FARP1: variants seen among roughly 807,000 people sequenced by gnomAD.
FARP1 encodes the protein FERM, ARHGEF and pleckstrin domain-containing protein 1.
A neutral mutation model predicts 128.8 loss-of-function variants in FARP1; 52 were observed. The ratio of observed to expected loss-of-function variants is 0.40; its 90% CI spans 0.32 to 0.51. FARP1 has a LOEUF of 0.51. Ranked by LOEUF, FARP1 falls within the 20% of genes least tolerant of loss-of-function variation. FARP1 has a pLI of 0.45. For synonymous variants in FARP1, 580 were observed against 551.8 expected, an observed-to-expected ratio of 1.05 and a Z score of -0.72; for missense variants, 1,333 against 1,367.9, an observed-to-expected ratio of 0.97 and a Z score of 0.40.
At chr13:98,339,557 C>T (rs1190201689) in intron 2 of FARP1, among the ~76,000 whole-genome samples, 3 of 152,076 alleles carry the variant, frequency 2.0e-5, no homozygotes, top group African/African-American at 7.2e-5. Flanking sequence ...GCATTTCAGC[C>T]CTTAGTGATG....
At chr13:98,367,967 G>T in intron 4 of FARP1, 150 bp from the exon 5 acceptor site, 2 of 616,906 alleles carry the variant, frequency 3.2e-6, no homozygotes, top group Admixed American at 5.9e-5. Context: ...AGCTGAACTT[G>T]GCCAGTTGTT....
chr13:98,212,125 G>A (rs1744425336), intron 1 of FARP1, among the ~76,000 whole-genome samples: 1 of 152,164 alleles, frequency 6.6e-6, no homozygotes, highest in South Asian at 2.1e-4. Flanking sequence ...GTGCAATGTT[G>A]GCTCACTGCA....
chr13:98,168,435 G>A (rs1877433119), intron 1 of FARP1, among the ~76,000 whole-genome samples: 1 of 152,162 alleles, frequency 6.6e-6, no homozygotes, highest in African/African-American at 2.4e-5. Flanking sequence ...AGTCTCTTCA[G>A]ATTAATCAGA....
At chr13:98,342,201 A>G (rs1888001980) in intron 2 of FARP1, among the ~76,000 whole-genome samples, 1 of 152,182 alleles carries the variant, frequency 6.6e-6, no homozygotes, top group South Asian at 2.1e-4. Flanking sequence ...GTGGACAAGG[A>G]GAGAGGCACA....
intron 1 of FARP1, among the ~76,000 whole-genome samples, chr13:98,187,884 T>C (rs1267310150): frequency 6.6e-6 from 1 of 152,262 alleles, no homozygotes; most frequent in Admixed American, 6.5e-5. Flanking sequence ...CAAAGCATGC[T>C]GTTCAGTATG....
chr13:98,236,399 T>G, intron 2 of FARP1, among the ~76,000 whole-genome samples: 1 of 152,216 alleles, frequency 6.6e-6, no homozygotes, highest in South Asian at 2.1e-4. Context: ...CTTCCTTAGC[T>G]TGCACGGAAA....
chr13:98,296,612 C>T (rs1240156965), intron 2 of FARP1, among the ~76,000 whole-genome samples: 1 of 151,914 alleles, frequency 6.6e-6, no homozygotes, highest in African/African-American at 2.4e-5. Flanking sequence ...GTCTGTTTTC[C>T]CTTCTGAAGT....
At chr13:98,283,316 A>T (rs1376329864) in intron 2 of FARP1, among the ~76,000 whole-genome samples, 1 of 152,228 alleles carries the variant, frequency 6.6e-6, no homozygotes, top group Non-Finnish European at 1.5e-5. Flanking sequence ...AAGGTCAAGA[A>T]AGACTAAAAT....
chr13:98,223,240 G>A (rs1374547620), intron 2 of FARP1, among the ~76,000 whole-genome samples: 1 of 152,236 alleles, frequency 6.6e-6, no homozygotes, highest in Non-Finnish European at 1.5e-5. Context: ...AGTCAACTCT[G>A]TGACAAATGT....
chr13:98,193,336 G>T (rs553708915), intron 1 of FARP1, among the ~76,000 whole-genome samples: 2 of 152,282 alleles, frequency 1.3e-5, no homozygotes, highest in Non-Finnish European at 2.9e-5. Flanking sequence ...GATTACAGGC[G>T]TGAGCCACTA....
intron 2 of FARP1, among the ~76,000 whole-genome samples, chr13:98,320,211 A>G (rs16955323): frequency 0.04 from 6,075 of 152,230 alleles, 207 homozygotes; most frequent in African/African-American, 0.094. Context: ...GCTCACAAGG[A>G]GAGAGAAAAT....
chr13:98,202,511 A>C (rs1353012658), intron 1 of FARP1, among the ~76,000 whole-genome samples: 1 of 152,118 alleles, frequency 6.6e-6, no homozygotes, highest in South Asian at 2.1e-4. Flanking sequence ...CTTGTATTTA[A>C]AACTGGAAGA....
chr13:98,399,005 A>G (rs1174308338), intron 13 of FARP1: 1 of 152,220 alleles, frequency 6.6e-6, no homozygotes, highest in Non-Finnish European at 1.5e-5. Flanking sequence ...CAGTTGATCA[A>G]TGGCAGTATA....
In FARP1 at chr13:98,153,512, T is replaced by C. The variant is rs1438944932; in HGVS notation, c.-24+10020T>C. Among the ~76,000 whole-genome samples the C allele has an allele frequency of 1.2e-3, 136 of 112,082 alleles. 1 individual carries two copies. The highest frequency in any genetic ancestry group is 4.2e-3 in the African/African-American group (133 of 31,950). The allele number at this position is 112,082 out of a possible 152,430, so 73.5% of individuals were successfully genotyped here. A position where few individuals can be genotyped will look rare whatever the true frequency, so the allele number is the denominator to read the frequency against. On this transcript the variant is annotated intron_variant, in intron 1 of 26. Transcript: ENST00000319562. ...TACATTATATAAAAATATGTATAAATATATATTTATATATATATTATATAT... is the reference window on the plus strand; with the variant it reads ...TACATTATATAAAAATATGTATAAACATATATTTATATATATATTATATAT...
At chr13:98,186,395 A>G (rs1878872971) in intron 1 of FARP1, among the ~76,000 whole-genome samples, 1 of 152,096 alleles carries the variant, frequency 6.6e-6, no homozygotes, top group South Asian at 2.1e-4. Flanking sequence ...GATGTGAGCC[A>G]CCGCGCCTGG....
At chr13:98,237,160 C>A (rs957184930) in intron 2 of FARP1, among the ~76,000 whole-genome samples, 2 of 151,672 alleles carry the variant, frequency 1.3e-5, no homozygotes, top group Non-Finnish European at 2.9e-5. Context: ...CAAAATTTGC[C>A]GGGCATGGTG....
At chr13:98,206,154 AT>A (rs1880248960) in intron 1 of FARP1, among the ~76,000 whole-genome samples, 1 of 149,438 alleles carries the variant, frequency 6.7e-6, no homozygotes, top group Non-Finnish European at 1.5e-5. Context: ...TTCCATACTA[AT>A]AGGAATTTTC....
At chr13:98,289,522 G>T (rs1885351749) in intron 2 of FARP1, among the ~76,000 whole-genome samples, 1 of 152,180 alleles carries the variant, frequency 6.6e-6, no homozygotes, top group Non-Finnish European at 1.5e-5. Flanking sequence ...GTTATCTTCA[G>T]CTGGGCAGCA....
At position 98,326,453 on chromosome 13, in the gene FARP1, C is replaced by CATCCTGCAATCTGA. The variant is rs1342013713; in HGVS notation, c.172-17308_172-17307insTCCTGCAATCTGAA. Among the ~76,000 whole-genome samples, 6 of 152,316 alleles carry CATCCTGCAATCTGA rather than the reference C, an allele frequency of 3.9e-5. No homozygotes were observed. The East Asian group carries it at 1.2e-3, about 29-fold the overall frequency. The stretch of plus-strand genomic sequence containing the variant: ...AATCTGAAACCCTATTCCCACTCAA[C>CATCCTGCAATCTGA]AACTTCCCATTTCCCCCTCCCTTGG... On this transcript the variant is annotated intron_variant, in intron 2 of 26. Coordinates refer to ENST00000319562, the MANE Select transcript of FARP1 (RefSeq NM_005766.4).
Sources: allele counts gnomAD v4.1 joint callset (sites outside exome capture counted in the v4.1 genomes callset), GRCh38; gene constraint gnomAD v4.1.1; transcripts MANE v1.5; gene names NCBI Gene and HGNC (gene_info 2026-07-23, HGNC 2026-07-21).